The following RAD23B variants were observed in gnomAD, a reference collection of about 807,000 sequenced individuals.
RAD23B encodes RAD23 nucleotide excision repair protein B, also known as lysine-specific demethylase RAD23B.
RAD23B carries 5 observed loss-of-function variants against 49.1 expected under a neutral mutation model. The ratio of observed to expected loss-of-function variants is 0.10; its 90% CI spans 0.05 to 0.21. RAD23B has a LOEUF of 0.21. Among genes scored for constraint, RAD23B ranks in the 10% least tolerant of loss-of-function variants. The pLI is 1.00. For synonymous variants in RAD23B, 184 were observed against 165.4 expected (o/e 1.11, Z -0.86); for missense variants, 356 against 486.7 (o/e 0.73, Z 2.53).
intron 3 of RAD23B, among the ~76,000 whole-genome samples, chr9:107,302,611 A>C (rs573677190): frequency 1.3e-5 from 2 of 151,862 alleles, no homozygotes; most frequent in African/African-American, 4.8e-5. Flanking sequence ...AGATAACTAA[A>C]GAAATGATGG....
chr9:107,299,220 C>T (rs928834522), intron 1 of RAD23B, among the ~76,000 whole-genome samples: 11 of 152,136 alleles, frequency 7.2e-5, no homozygotes, highest in Admixed American at 6.5e-4. Context: ...TTATTTGTAT[C>T]CCTTTCTGTC....
chr9:107,304,055 A>G (rs964778107), intron 3 of RAD23B, among the ~76,000 whole-genome samples: 1 of 152,156 alleles, frequency 6.6e-6, no homozygotes, highest in Non-Finnish European at 1.5e-5. Flanking sequence ...CAACTATGAA[A>G]AGGGAGGGAA....
intron 1 of RAD23B, among the ~76,000 whole-genome samples, chr9:107,299,138 A>C (rs946171869): frequency 9.9e-5 from 15 of 152,190 alleles, no homozygotes; most frequent in African/African-American, 3.6e-4. Context: ...GTATGTTAAC[A>C]TCTGAAGCTA....
At chr9:107,315,597 T>C (rs983932256) in intron 5 of RAD23B, among the ~76,000 whole-genome samples, 15 of 152,130 alleles carry the variant, frequency 9.9e-5, no homozygotes, top group Admixed American at 6.5e-5. Context: ...CACTGCAACC[T>C]CCGCCTCTTA....
intron 2 of RAD23B, 126 bp downstream of exon 2, chr9:107,300,348 AAG>A (rs2133073768): frequency 9.0e-7 from 1 of 1,105,128 alleles, no homozygotes; most frequent in East Asian, 3.1e-5. Context: ...AAAGCAGTGA[AAG>A]AGCAGTCATT....
chr9:107,287,448 A>C (rs956564842), intron 1 of RAD23B, among the ~76,000 whole-genome samples: 2 of 152,230 alleles, frequency 1.3e-5, no homozygotes, highest in East Asian at 3.8e-4. Flanking sequence ...CTACATATAC[A>C]TTGGATGTTT....
At chr9:107,286,833 G>A (rs990728997) in intron 1 of RAD23B, among the ~76,000 whole-genome samples, 6 of 152,158 alleles carry the variant, frequency 3.9e-5, no homozygotes, top group Non-Finnish European at 7.3e-5. Flanking sequence ...AGCACTTTGG[G>A]AGGCCGAGGT....
intron 5 of RAD23B, among the ~76,000 whole-genome samples, chr9:107,315,869 C>G (rs1826982354): frequency 6.6e-6 from 1 of 152,060 alleles, no homozygotes; most frequent in Non-Finnish European, 1.5e-5. Flanking sequence ...TAAAAAGTAT[C>G]ACATTGCTTA....
rs34042765 is a variant in RAD23B at position 107,325,313 on chromosome 9, C to CAAAAA, written c.1116+333_1116+337dup. Among the ~76,000 whole-genome samples, 159 of 61,372 alleles carry CAAAAA rather than the reference C, an allele frequency of 2.6e-3. 6 individuals are homozygous for CAAAAA. The highest frequency in any genetic ancestry group is 9.6e-3 in the African/African-American group (146 of 15,212). The allele number at this position is 61,372 out of a possible 152,430, so 40.3% of individuals were successfully genotyped here. ...TGGGCAACAGAGTGAGACTCTGTCT[C>CAAAAA]AAAAAAAAAAAAAAAAAAAAAAAAA... On this transcript the variant is annotated intron_variant, in intron 9 of 9. Transcript: ENST00000358015.
chr9:107,294,255 A>G (rs552664173), intron 1 of RAD23B, among the ~76,000 whole-genome samples: 1 of 152,346 alleles, frequency 6.6e-6, no homozygotes, highest in South Asian at 2.1e-4. Flanking sequence ...CGATTTTTTA[A>G]GAGAGAATTA....
chr9:107,311,724 A>C lies in RAD23B; in HGVS notation c.540A>C (p.Ala180=). 1.3e-6 allele frequency: 2 copies of C among 1,571,410 alleles called. No homozygotes were observed. Among genetic ancestry groups the C allele is most frequent in the Non-Finnish European group, 1.7e-6 (2 of 1,166,954 alleles). ...CTCGGTCAAACCTTTTTGAAGATGC[A>C]ACGAGTGCACTTGGTAAGTATCTGC... ...DSSRSNLFED[A]TSALVTGQSY... is the part of the protein sequence containing the mutation. Residue 180 remains alanine, a synonymous_variant, in exon 5 of 10, where the codon GCA becomes GCC. Coordinates refer to ENST00000358015, the MANE Select transcript of RAD23B (RefSeq NM_002874.5).
At chr9:107,325,098 T>C (rs1248894750) in intron 9 of RAD23B, 94 bp downstream of exon 9, 1 of 1,246,382 alleles carries the variant, frequency 8.0e-7, no homozygotes, top group East Asian at 2.8e-5. Flanking sequence ...GTGGATCACC[T>C]GAGGTCAGGA....
chr9:107,303,482 G>A (rs1158506386), intron 3 of RAD23B, among the ~76,000 whole-genome samples: 4 of 152,174 alleles, frequency 2.6e-5, no homozygotes, highest in Non-Finnish European at 4.4e-5. Flanking sequence ...AAGCAGAATC[G>A]TGAGGAAACC....
At chr9:107,320,724 A>T (rs1827093181) in intron 6 of RAD23B, among the ~76,000 whole-genome samples, 2 of 152,206 alleles carry the variant, frequency 1.3e-5, no homozygotes, top group Admixed American at 6.5e-5. Context: ...TTTTAGTTTA[A>T]TAAAAGAGAA....
intron 3 of RAD23B, 59 bp from the exon 4 acceptor site, chr9:107,306,320 T>G: frequency 6.6e-7 from 1 of 1,512,894 alleles, no homozygotes. Context: ...ACAGTCTAAT[T>G]AGAGATCAGG....
intron 1 of RAD23B, among the ~76,000 whole-genome samples, chr9:107,289,713 G>C (rs748991748): frequency 6.6e-6 from 1 of 152,204 alleles, no homozygotes; most frequent in Non-Finnish European, 1.5e-5. Context: ...AAGTTACTCA[G>C]TATGTGCCTT....
rs541301441 is a variant in RAD23B at position 107,285,786 on chromosome 9, T to C, written c.66+2091T>C. On this transcript the variant is annotated intron_variant, in intron 1 of 9. Coordinates refer to ENST00000358015, the MANE Select transcript of RAD23B (RefSeq NM_002874.5). ...ATACTGTTAGTCCGGGGCAAGAAATTAAAGCATTTCCTCTGGGATATATGG... is the reference window on the plus strand; with the variant it reads ...ATACTGTTAGTCCGGGGCAAGAAATCAAAGCATTTCCTCTGGGATATATGG... Among the ~76,000 whole-genome samples the C allele has an allele frequency of 2.0e-5, 3 of 152,340 alleles. No homozygotes were observed. In the South Asian group the frequency reaches 6.2e-4, roughly 32 times the overall value.
rs1327568977 is a variant in RAD23B, at chr9:107,318,562, A to G, written c.554-190A>G. On this transcript the variant is annotated intron_variant, in intron 5 of 9. Coordinates refer to ENST00000358015, the MANE Select transcript of RAD23B (RefSeq NM_002874.5). This position sits in a 1 kb window ranked among gnomAD's most constrained non-coding sequence, Gnocchi z 4.3. ...GCCTTGTAACCTATTTATAGGTTCC[A>G]GGGATCAAACCAGAGGGCATCTTTG... is the stretch of plus-strand genomic sequence containing the variant. 6.6e-6 allele frequency among the ~76,000 whole-genome samples: 1 copy of G among 152,234 alleles called. No individual in the cohort carries two copies. Among genetic ancestry groups the G allele is most frequent in the African/African-American group, 2.4e-5 (1 of 41,460 alleles).
intron 4 of RAD23B, 80 bp from the exon 5 acceptor site, chr9:107,311,602 C>T (rs1826887981): frequency 1.1e-6 from 1 of 908,906 alleles, no homozygotes; most frequent in South Asian, 1.7e-5. Context: ...ATCTGTTTAC[C>T]AATTGGATAG....
Sources: allele counts gnomAD v4.1 joint callset (sites outside exome capture counted in the v4.1 genomes callset), GRCh38; gene constraint gnomAD v4.1.1; non-coding constraint Gnocchi (gnomAD v3.1); transcripts MANE v1.5; gene names NCBI Gene and HGNC (gene_info 2026-07-23, HGNC 2026-07-21).